The following AKR1D1 variants were observed in gnomAD, a reference collection of about 807,000 sequenced individuals.
The protein encoded by AKR1D1 is delta(4)-3-ketosteroid 5-beta-reductase.
AKR1D1 carries 32 observed loss-of-function variants against 42.6 expected under a neutral mutation model. That is an observed-to-expected ratio of 0.75 (90% CI 0.57 to 1.01). The LOEUF (loss-of-function observed/expected upper bound fraction) is 1.01, where lower values mean the gene tolerates loss of function less well. Among genes scored for constraint, AKR1D1 ranks in the 50% least tolerant of loss-of-function variants. AKR1D1 has a pLI of 0.00. For missense variants in AKR1D1, 364 were observed against 402.2 expected, an observed-to-expected ratio of 0.91 and a Z score of 0.81; for synonymous variants, 123 against 135.5, an observed-to-expected ratio of 0.91 and a Z score of 0.64.
Position 138,117,603 on chromosome 7 carries a change from G to A in AKR1D1, c.*941G>A, listed in dbSNP as rs1482008316. ...TATATGAATTTTGAGAATTTTATAT[G>A]AATTTTGAGAAAGCAAGTTCAAAAG... On this transcript the variant is annotated 3_prime_UTR_variant, in exon 9 of 9. Transcript: ENST00000242375. The A allele has an allele frequency of 6.6e-6, 1 of 152,080 alleles. No homozygotes were observed. The highest frequency in any genetic ancestry group is 6.6e-5 in the Admixed American group (1 of 15,260). The allele number at this position is 152,080 out of a possible 1,614,324, so 9.4% of individuals were successfully genotyped here.
Position 138,106,690 on chromosome 7 carries a change from C to T in AKR1D1, c.662C>T (p.Pro221Leu), listed in dbSNP as rs1411452933. Residue 221 changes from proline to leucine, a missense_variant, in exon 6 of 9, where the codon CCT (proline) becomes CTT (leucine). By Grantham distance (98) the Pro-to-Leu change is moderately conservative. Transcript: ENST00000242375. ...QHDIVITAYS[P>L]LGTSRNPIWV... ...GACATTGTCATTACTGCATATAGCC[C>T]TTTGGGGACCAGTAGGAATCCAATC... The T allele has an allele frequency of 1.8e-5, 29 of 1,613,454 alleles. No homozygotes were observed. The highest frequency in any genetic ancestry group is 2.4e-5 in the Non-Finnish European group (28 of 1,179,420).
At chr7:138,105,723 C>A (rs1363143337) in intron 5 of AKR1D1, among the ~76,000 whole-genome samples, 2 of 152,082 alleles carry the variant, frequency 1.3e-5, no homozygotes, top group African/African-American at 4.8e-5. Flanking sequence ...CCCGTCTGTA[C>A]TAAAAATACA....
chr7:138,096,691 C>A (rs73155744), intron 3 of AKR1D1, among the ~76,000 whole-genome samples: 14,727 of 152,206 alleles, frequency 0.097, 823 homozygotes, highest in East Asian at 0.17. Context: ...CAGTTGACTA[C>A]CACCTTCTTC....
chr7:138,109,801 G>C (rs1479168432), intron 7 of AKR1D1, among the ~76,000 whole-genome samples: 2 of 152,132 alleles, frequency 1.3e-5, no homozygotes, highest in Non-Finnish European at 2.9e-5. Context: ...ACATTTTGAT[G>C]GACTTTTTGA....
chr7:138,113,351 T>A (rs1418925113), intron 7 of AKR1D1, among the ~76,000 whole-genome samples: 1 of 151,994 alleles, frequency 6.6e-6, no homozygotes. Flanking sequence ...AGACTCAGAA[T>A]TTTTTAAGTG....
rs1187717671 is a variant in AKR1D1 at position 138,113,730 on chromosome 7, T to C, written c.896T>C (p.Ile299Thr). 6.2e-7 allele frequency: 1 copy of C among 1,614,178 alleles called. No homozygotes were observed. Among genetic ancestry groups the C allele is most frequent in the South Asian group, 1.1e-5 (1 of 91,086 alleles). ...CTCACTGAAGAAGAAATGAAGGACA[T>C]TGAAGCCTTGAATAAAAATGTCCGC... Reference protein sequence around the residue: ...FSLTEEEMKDIEALNKNVRFV... With the variant: ...FSLTEEEMKDTEALNKNVRFV... The change falls in exon 8 of 9, where the codon ATT (isoleucine) becomes ACT (threonine). Residue 299 changes from isoleucine (I) to threonine (T), a missense_variant. Physicochemically the swap from Ile to Thr is moderately conservative, Grantham distance 89. Transcript: ENST00000242375.
chr7:138,079,130 C>A (rs1158203853), intron 1 of AKR1D1, among the ~76,000 whole-genome samples: 2 of 152,168 alleles, frequency 1.3e-5, no homozygotes, highest in African/African-American at 4.8e-5. Flanking sequence ...TGACACCCGG[C>A]CCTAAACATT....
chr7:138,085,828 C>T (rs1803163292), intron 1 of AKR1D1, among the ~76,000 whole-genome samples: 1 of 151,976 alleles, frequency 6.6e-6, no homozygotes, highest in South Asian at 2.1e-4. Context: ...TACTTTAATA[C>T]GCATTTGTCT....
rs1794435893 is a variant in AKR1D1, at chr7:138,106,514, A to G, written c.580-94A>G. ...AGTATGAAGGAGATTCTATTAATAAAATGGATTTTATTGAAGAATTTTTTT... is the reference window on the plus strand; with the variant it reads ...AGTATGAAGGAGATTCTATTAATAAGATGGATTTTATTGAAGAATTTTTTT... On this transcript the variant is annotated intron_variant, in intron 5 of 8. Coordinates refer to ENST00000242375, the MANE Select transcript of AKR1D1 (RefSeq NM_005989.4). 9 of 893,776 alleles carry G rather than the reference A, an allele frequency of 1.0e-5. No individual in the cohort carries two copies. The East Asian group carries it at 2.3e-4, about 23-fold the overall frequency. The allele number at this position is 893,776 out of a possible 1,614,324, so 55.4% of individuals were successfully genotyped here.
In AKR1D1 at chr7:138,098,167, G is replaced by C. The variant is rs1794221048; in HGVS notation, c.456+224G>C. On this transcript the variant is annotated intron_variant, in intron 4 of 8. Transcript: ENST00000242375. Reference sequence around the variant, plus strand: ...CTGGAATGCCAAAGAAAAGAGAGAGGGGTGGAAGGAAAAACAGTGTAAACA... The same window carrying C: ...CTGGAATGCCAAAGAAAAGAGAGAGCGGTGGAAGGAAAAACAGTGTAAACA... 9.8e-6 allele frequency: 5 copies of C among 509,454 alleles called. No homozygotes were observed. The South Asian group carries it at 1.5e-4, about 16-fold the overall frequency. 31.6% of individuals were successfully genotyped at this position (509,454 alleles called of 1,614,324 possible).
intron 1 of AKR1D1, among the ~76,000 whole-genome samples, chr7:138,080,340 G>A (rs1305722082): frequency 6.6e-6 from 1 of 152,016 alleles, no homozygotes; most frequent in East Asian, 1.9e-4. Flanking sequence ...AAATTGCTGG[G>A]ATTATAGGCA....
At chr7:138,078,536 TTTCTC>T (rs1802988010) in intron 1 of AKR1D1, among the ~76,000 whole-genome samples, 2 of 152,216 alleles carry the variant, frequency 1.3e-5, no homozygotes. Flanking sequence ...CCTTGGCCCC[TTTCTC>T]TTCTTTCTTT....
intron 5 of AKR1D1, 136 bp downstream of exon 5, chr7:138,105,565 T>G: frequency 7.7e-7 from 1 of 1,305,782 alleles, no homozygotes; most frequent in Non-Finnish European, 1.1e-6. Context: ...GTGCAAGTCT[T>G]TAGACTTCTT....
intron 1 of AKR1D1, among the ~76,000 whole-genome samples, chr7:138,084,554 A>T (rs546405981): frequency 1.5e-4 from 23 of 152,070 alleles, no homozygotes; most frequent in Non-Finnish European, 3.2e-4. Flanking sequence ...GTAGAAGGAG[A>T]TGCTGTCAGC....
Position 138,091,767 on chromosome 7 carries a change from G to C in AKR1D1, c.262-1G>C. 6.2e-7 allele frequency: 1 copy of C among 1,604,496 alleles called. No individual in the cohort carries two copies. The highest frequency in any genetic ancestry group is 2.2e-5 in the East Asian group (1 of 44,830). On this transcript the variant is annotated splice_acceptor_variant, in intron 2 of 8. Transcript: ENST00000242375. LOFTEE classifies it high-confidence loss of function. ...TAATTCTCCCTCTTTGATTCTTTCA[G>C]CTATGGGCTACAAATCATGTCCCAG...
intron 7 of AKR1D1, among the ~76,000 whole-genome samples, chr7:138,110,580 C>T (rs888384110): frequency 6.6e-6 from 1 of 151,890 alleles, no homozygotes; most frequent in African/African-American, 2.4e-5. Flanking sequence ...TGGCAAAACC[C>T]CATCTCTACT....
In AKR1D1 at chr7:138,106,624, A is replaced by T. The variant is rs114392001; in HGVS notation, c.596A>T (p.Tyr199Phe). 1 of 1,614,140 alleles carries T rather than the reference A, an allele frequency of 6.2e-7. No homozygotes were observed. Among genetic ancestry groups the T allele is most frequent in the Non-Finnish European group, 8.5e-7 (1 of 1,179,994 alleles). Reference sequence around the variant, plus strand: ...ACCACATAGGTTGAGTGCCATCCGTATTTCACCCAGCCAAAACTCTTGAAA... The same window carrying T: ...ACCACATAGGTTGAGTGCCATCCGTTTTTCACCCAGCCAAAACTCTTGAAA... Reference protein sequence around the residue: ...PVSNQVECHPYFTQPKLLKFC... With the variant: ...PVSNQVECHPFFTQPKLLKFC... The change falls in exon 6 of 9, where the codon TAT becomes TTT. Residue 199 changes from tyrosine (Y) to phenylalanine (F), a missense_variant. Physicochemically the swap from Tyr to Phe is conservative, Grantham distance 22 (BLOSUM62 3). Coordinates refer to ENST00000242375, the MANE Select transcript of AKR1D1 (RefSeq NM_005989.4).
chr7:138,080,723 G>A (rs1803036088), intron 1 of AKR1D1, among the ~76,000 whole-genome samples: 1 of 152,134 alleles, frequency 6.6e-6, no homozygotes, highest in Admixed American at 6.5e-5. Context: ...TTTGATAACA[G>A]TGCCCACTTC....
chr7:138,087,897 T>G (rs1793969978), intron 1 of AKR1D1, among the ~76,000 whole-genome samples: 1 of 151,314 alleles, frequency 6.6e-6, no homozygotes, highest in African/African-American at 2.4e-5. Context: ...TCTTTTCTTT[T>G]TTTTTTTTTT....
Sources: allele counts gnomAD v4.1 joint callset (sites outside exome capture counted in the v4.1 genomes callset), GRCh38; gene constraint gnomAD v4.1.1; transcripts MANE v1.5; gene names NCBI Gene and HGNC (gene_info 2026-07-23, HGNC 2026-07-21).